The following SLC9A9 variants were observed in gnomAD, a reference collection of about 807,000 sequenced individuals.
SLC9A9 encodes the protein sodium/hydrogen exchanger 9.
In SLC9A9, 62 loss-of-function variants were observed where a neutral mutation model predicts 77.8. The observed-to-expected ratio is 0.80, with a 90% CI of 0.65 to 0.98. The LOEUF (loss-of-function observed/expected upper bound fraction) is 0.98, where lower values mean the gene tolerates loss of function less well. Among genes scored for constraint, SLC9A9 ranks in the 50% least tolerant of loss-of-function variants. SLC9A9 has a pLI of 0.00. For synonymous variants in SLC9A9, 320 were observed against 283.5 expected (o/e 1.13, Z -1.29); for missense variants, 775 against 774.9 (o/e 1.00, Z 0.00).
intron 14 of SLC9A9, among the ~76,000 whole-genome samples, chr3:143,323,716 T>C (rs1215181651): frequency 6.6e-6 from 1 of 152,202 alleles, no homozygotes; most frequent in African/African-American, 2.4e-5. Flanking sequence ...GATGAACACC[T>C]AAACATACTG....
chr3:143,657,449 G>C (rs1191613551), intron 5 of SLC9A9, among the ~76,000 whole-genome samples: 2 of 152,166 alleles, frequency 1.3e-5, no homozygotes, highest in African/African-American at 4.8e-5. Flanking sequence ...TTATGCCCCA[G>C]AGCAATGTCT....
chr3:143,289,224 T>C (rs1938468694), intron 14 of SLC9A9, among the ~76,000 whole-genome samples: 1 of 152,156 alleles, frequency 6.6e-6, no homozygotes, highest in Non-Finnish European at 1.5e-5. Context: ...ACAGAGGAGC[T>C]TAGCATTGGA....
chr3:143,720,025 T>C (rs1934455750), intron 4 of SLC9A9, among the ~76,000 whole-genome samples: 1 of 151,944 alleles, frequency 6.6e-6, no homozygotes, highest in Non-Finnish European at 1.5e-5. Flanking sequence ...CTGTAATTCC[T>C]AACCCTAATA....
At chr3:143,772,022 ATGTGTGTGTGTG>A (rs55750613) in intron 4 of SLC9A9, among the ~76,000 whole-genome samples, 14 of 141,712 alleles carry the variant, frequency 9.9e-5, no homozygotes, top group South Asian at 2.4e-4. Context: ...CATCCCCAGA[ATGTGTGTGTGTG>A]TGTGTGTGTG....
At chr3:143,566,559 T>A (rs1453775922) in intron 8 of SLC9A9, among the ~76,000 whole-genome samples, 1 of 151,938 alleles carries the variant, frequency 6.6e-6, no homozygotes, top group East Asian at 1.9e-4. Context: ...TTTCTTCATA[T>A]TTCTGGATGC....
chr3:143,799,917 C>G (rs922747041), intron 2 of SLC9A9, among the ~76,000 whole-genome samples: 2 of 152,194 alleles, frequency 1.3e-5, no homozygotes, highest in African/African-American at 4.8e-5. Flanking sequence ...TCCTTTGCCT[C>G]CATAACTGTT....
intron 4 of SLC9A9, among the ~76,000 whole-genome samples, chr3:143,717,691 A>G (rs373131606): frequency 1.4e-4 from 22 of 152,140 alleles, no homozygotes; most frequent in East Asian, 9.7e-4. Flanking sequence ...CCCTTTTTGC[A>G]TTTGTGTTTG....
intron 6 of SLC9A9, among the ~76,000 whole-genome samples, chr3:143,610,304 A>C (rs2038003993): frequency 6.6e-6 from 1 of 151,788 alleles, no homozygotes; most frequent in East Asian, 1.9e-4. Context: ...ATGCCACCAC[A>C]CCCAGTTAAT....
intron 4 of SLC9A9, among the ~76,000 whole-genome samples, chr3:143,725,732 G>A (rs1934633030): frequency 7.6e-6 from 1 of 131,296 alleles, no homozygotes; most frequent in Non-Finnish European, 1.6e-5. Context: ...TCTGGGGACT[G>A]TTGTGGGGTG....
intron 2 of SLC9A9, among the ~76,000 whole-genome samples, chr3:143,815,018 G>C (rs1237033995): frequency 6.6e-6 from 1 of 152,030 alleles, no homozygotes; most frequent in Non-Finnish European, 1.5e-5. Context: ...GAACAAAGGA[G>C]AGGGAGAATA....
intron 14 of SLC9A9, among the ~76,000 whole-genome samples, chr3:143,299,215 C>A (rs1165655487): frequency 1.3e-5 from 2 of 152,000 alleles, no homozygotes; most frequent in African/African-American, 4.8e-5. Flanking sequence ...CAGCTCTTTC[C>A]TAAAGGGTAA....
chr3:143,391,034 G>C (rs140926502), intron 12 of SLC9A9, among the ~76,000 whole-genome samples: 4,879 of 152,332 alleles, frequency 0.032, 281 homozygotes, highest in African/African-American at 0.11. Context: ...GCAGGGCATA[G>C]CCAAACAAAA....
At chr3:143,614,810 C>G (rs2038077490) in intron 6 of SLC9A9, among the ~76,000 whole-genome samples, 1 of 152,142 alleles carries the variant, frequency 6.6e-6, no homozygotes, top group Non-Finnish European at 1.5e-5. Flanking sequence ...TCTGACTAAG[C>G]TTTTCAAAAG....
rs118029267 is a variant in SLC9A9, at chr3:143,415,238, A to G, written c.1470-33124T>C. 1.1e-3 allele frequency among the ~76,000 whole-genome samples: 161 copies of G among 152,360 alleles called. 1 individual carries two copies. The East Asian group carries it at 0.028, about 26-fold the overall frequency. ...GGGAAAGCAGCAAGTTATCCAGAAGATCTAGTTAAAATCATTGATGAAGGT... is the reference window on the plus strand; with the variant it reads ...GGGAAAGCAGCAAGTTATCCAGAAGGTCTAGTTAAAATCATTGATGAAGGT... On this transcript the variant is annotated intron_variant, in intron 12 of 15. Coordinates refer to ENST00000316549, the MANE Select transcript of SLC9A9 (RefSeq NM_173653.4).
chr3:143,646,430 T>C (rs1452644976), intron 6 of SLC9A9, among the ~76,000 whole-genome samples: 1 of 148,836 alleles, frequency 6.7e-6, no homozygotes, highest in African/African-American at 2.4e-5. Flanking sequence ...GATCTTATTA[T>C]ATATTAAATT....
At chr3:143,405,068 G>A (rs2033948361) in intron 12 of SLC9A9, among the ~76,000 whole-genome samples, 1 of 152,186 alleles carries the variant, frequency 6.6e-6, no homozygotes, top group African/African-American at 2.4e-5. Flanking sequence ...GGGCATCCAA[G>A]GGGGTGTAAC....
rs540444956 is a variant in SLC9A9, at chr3:143,552,235, G to A, written c.1089+127C>T. The stretch of plus-strand genomic sequence containing the variant: ...AAAAAAATCTATAAATATCCAACTC[G>A]TAATGAAGCCTTAAGCTTACATTCT... On this transcript the variant is annotated intron_variant, in intron 9 of 15. Coordinates refer to ENST00000316549, the MANE Select transcript of SLC9A9 (RefSeq NM_173653.4). 374 of 659,962 alleles carry A rather than the reference G, an allele frequency of 5.7e-4. 1 individual carries two copies. The highest frequency in any genetic ancestry group is 2.8e-3 in the South Asian group (127 of 45,230). 40.9% of individuals were successfully genotyped at this position (659,962 alleles called of 1,614,324 possible).
chr3:143,704,414 T>C (rs1215784733), intron 4 of SLC9A9, among the ~76,000 whole-genome samples: 2 of 152,176 alleles, frequency 1.3e-5, no homozygotes, highest in Non-Finnish European at 2.9e-5. Flanking sequence ...CAAGGATGTC[T>C]CAACATATGC....
At chr3:143,571,782 G>A (rs2037261845) in intron 8 of SLC9A9, among the ~76,000 whole-genome samples, 1 of 152,186 alleles carries the variant, frequency 6.6e-6, no homozygotes, top group Non-Finnish European at 1.5e-5. Flanking sequence ...GAGCACTTGA[G>A]TGTTTACCCT....
Sources: gnomAD v4.1 joint callset for allele counts (sites outside exome capture counted in the v4.1 genomes callset) on GRCh38, gnomAD v4.1.1 for gene constraint, MANE v1.5 for transcripts, NCBI Gene and HGNC (gene_info 2026-07-23, HGNC 2026-07-21) for gene names.